The following MAPK8IP3 variants were observed in gnomAD, a reference collection of about 807,000 sequenced individuals.
The protein encoded by MAPK8IP3 is C-Jun-amino-terminal kinase-interacting protein 3.
MAPK8IP3 carries 49 observed loss-of-function variants against 157.8 expected under a neutral mutation model. That is an observed-to-expected ratio of 0.31 (90% CI 0.25 to 0.39). The LOEUF (loss-of-function observed/expected upper bound fraction) is 0.39, where lower values mean the gene tolerates loss of function less well. Ranked by LOEUF, MAPK8IP3 falls within the 10% of genes least tolerant of loss-of-function variation. The pLI is 1.00. For synonymous variants in MAPK8IP3, 897 were observed against 777.7 expected, an observed-to-expected ratio of 1.15 and a Z score of -2.55; for missense variants, 1,478 against 1,889.4, an observed-to-expected ratio of 0.78 and a Z score of 4.04.
At chr16:1,761,541 C>T (rs1488859914) in intron 13 of MAPK8IP3, among the ~76,000 whole-genome samples, 3 of 148,058 alleles carry the variant, frequency 2.0e-5, no homozygotes, top group African/African-American at 2.6e-5. Context: ...ACAGGCAGGG[C>T]GGCCGCCATT....
rs1368580101 is a variant in MAPK8IP3 at position 1,762,245 on chromosome 16, G to A, written c.1540-106G>A. On this transcript the variant is annotated intron_variant, in intron 13 of 31. Coordinates refer to ENST00000610761, the MANE Select transcript of MAPK8IP3 (RefSeq NM_001318852.2). ...ACCGCTTCTTGCCTGAGGATCTGAAGGAAATTGGCACTGAGATCCACCTAT... is the reference window on the plus strand; with the variant it reads ...ACCGCTTCTTGCCTGAGGATCTGAAAGAAATTGGCACTGAGATCCACCTAT... 5.0e-6 allele frequency: 7 copies of A among 1,398,422 alleles called. No homozygotes were observed. In the East Asian group the frequency reaches 1.8e-4, roughly 36 times the overall value. 86.6% of individuals were successfully genotyped at this position (1,398,422 alleles called of 1,614,324 possible). A position where few individuals can be genotyped will look rare whatever the true frequency, so the allele number is the denominator to read the frequency against.
At chr16:1,765,739 C>T (rs973197035) in intron 20 of MAPK8IP3, among the ~76,000 whole-genome samples, 1 of 152,190 alleles carries the variant, frequency 6.6e-6, no homozygotes, top group African/African-American at 2.4e-5. Flanking sequence ...TACTCAGCTC[C>T]CCTTGGCCCA....
rs760717934 is a variant in MAPK8IP3, at chr16:1,762,959, G to A, written c.1851G>A (p.Met617Ile). ...AGFSQRRNHA[M>I]CPISAGSRPL... ...TCAGCCAGCGCCGCAACCATGCCAT[G>A]TGCCCGATCTCGGCAGGCAGCCGGC... The change falls in exon 16 of 32, where the codon ATG (methionine) becomes ATA (isoleucine). Residue 617 changes from methionine to isoleucine, a missense_variant. Met to Ile is a conservative substitution (Grantham distance 10). Around this residue, in one of 11 missense-constraint regions of MAPK8IP3, gnomAD observed 669 missense variants for 759.8 expected, o/e 0.88. Transcript: ENST00000610761. 9 of 1,613,014 alleles carry A rather than the reference G, an allele frequency of 5.6e-6. No individual in the cohort carries two copies. In the Admixed American group the frequency reaches 1.0e-4, roughly 18 times the overall value.
At chr16:1,768,033 C>T (rs780382016) in intron 28 of MAPK8IP3, 36 bp from the exon 29 acceptor site, 7 of 1,611,960 alleles carry the variant, frequency 4.3e-6, no homozygotes, top group South Asian at 1.1e-5. Flanking sequence ...ACGCTGACCG[C>T]TCTCCTCTTC....
In MAPK8IP3 at chr16:1,764,119, G is replaced by A. The variant is rs1272095492; in HGVS notation, c.2030G>A (p.Ser677Asn). The A allele has an allele frequency of 6.2e-7, 1 of 1,608,382 alleles. No homozygotes were observed. The highest frequency in any genetic ancestry group is 1.1e-5 in the South Asian group (1 of 90,756). The change falls in exon 18 of 32, where the codon AGT becomes AAT. Residue 677 changes from serine (S) to asparagine (N), a missense_variant. Ser to Asn is a conservative substitution (Grantham distance 46). This residue lies in a region of MAPK8IP3 where 669 missense variants were observed against 759.8 expected (regional missense o/e 0.88). Transcript: ENST00000610761. ...GCGCCTCCCTGCTCCCTGCAGCTGA[G>A]TCCCAACGGGGGCCAGGAGGACACG... ...WSLPAKYKQL[S>N]PNGGQEDTRM...
chr16:1,730,288 C>T (rs935397703), intron 4 of MAPK8IP3, among the ~76,000 whole-genome samples: 2 of 151,966 alleles, frequency 1.3e-5, no homozygotes, highest in African/African-American at 4.8e-5. Flanking sequence ...AAATCATCTG[C>T]TCATGTGAGG....
intron 4 of MAPK8IP3, among the ~76,000 whole-genome samples, chr16:1,732,251 G>C (rs1279109337): frequency 1.3e-5 from 2 of 152,218 alleles, no homozygotes; most frequent in Non-Finnish European, 1.5e-5. Flanking sequence ...GGGGAAGCCT[G>C]TTTCTGCCCC....
chr16:1,763,691 C>T lies in MAPK8IP3; in HGVS notation c.1933C>T (p.Arg645Cys). The change falls in exon 17 of 32, where the codon CGC (arginine) becomes TGC (cysteine). Residue 645 changes from arginine to cysteine, a missense_variant. Physicochemically the swap from Arg to Cys is radical, Grantham distance 180 (BLOSUM62 -3). Around this residue, in one of 11 missense-constraint regions of MAPK8IP3, gnomAD observed 669 missense variants for 759.8 expected, o/e 0.88. Coordinates refer to ENST00000610761, the MANE Select transcript of MAPK8IP3 (RefSeq NM_001318852.2). ...CTSSARREQK[R>C]EQYRQVREHV... is the part of the protein sequence containing the mutation. ...GTCCTCCGCCCGTCGAGAGCAGAAGCGCGAGCAGTACCGCCAGGTGCGTGA... is the reference window on the plus strand; with the variant it reads ...GTCCTCCGCCCGTCGAGAGCAGAAGTGCGAGCAGTACCGCCAGGTGCGTGA... The T allele has an allele frequency of 6.3e-7, 1 of 1,593,784 alleles. No individual in the cohort carries two copies. The highest frequency in any genetic ancestry group is 8.6e-7 in the Non-Finnish European group (1 of 1,168,852).
intron 13 of MAPK8IP3, 41 bp downstream of exon 13, chr16:1,761,346 AT>A (rs773426662): frequency 8.9e-6 from 14 of 1,573,114 alleles, no homozygotes; most frequent in Non-Finnish European, 1.1e-5. Flanking sequence ...GGCGTCCACC[AT>A]TCACTTTTCA....
At chr16:1,707,925 T>G (rs947640716) in intron 1 of MAPK8IP3, 7 of 152,206 alleles carry the variant, frequency 4.6e-5, no homozygotes, top group African/African-American at 1.7e-4. Flanking sequence ...ACCAAGGTGA[T>G]TTATGGCCTA....
intron 4 of MAPK8IP3, among the ~76,000 whole-genome samples, chr16:1,739,022 CTGTG>C (rs1199256661): frequency 1.3e-4 from 16 of 125,802 alleles, no homozygotes; most frequent in Non-Finnish European, 2.3e-4. Context: ...ATGTGAGCAT[CTGTG>C]TGAGCGTCCG....
In MAPK8IP3 at chr16:1,767,528, C is replaced by A. The variant is rs368330137; in HGVS notation, c.3238-36C>A. 1.0e-3 allele frequency: 1,680 copies of A among 1,600,420 alleles called. 3 individuals carry two copies. The highest frequency in any genetic ancestry group is 1.3e-3 in the Non-Finnish European group (1,522 of 1,172,626). On this transcript the variant is annotated intron_variant, in intron 26 of 31. Coordinates refer to ENST00000610761, the MANE Select transcript of MAPK8IP3 (RefSeq NM_001318852.2). ...TGGGGCTCCCCACTTCCTCTCCTCT[C>A]CCCAGCCCTGTTGATGGGCAGCCAT...
chr16:1,715,717 A>G (rs2038102722), intron 1 of MAPK8IP3, among the ~76,000 whole-genome samples: 1 of 151,718 alleles, frequency 6.6e-6, no homozygotes, highest in Non-Finnish European at 1.5e-5. Flanking sequence ...CAAACGTATG[A>G]GAGGAGAGGT....
chr16:1,729,640 G>A (rs2039159666), intron 4 of MAPK8IP3, 62 bp downstream of exon 4: 3 of 1,447,386 alleles, frequency 2.1e-6, no homozygotes, highest in African/African-American at 1.4e-5. Context: ...TACGCAGGAC[G>A]CGGCACATGC....
At chr16:1,763,897 G>A in intron 17 of MAPK8IP3, 114 bp downstream of exon 17, 5 of 507,760 alleles carry the variant, frequency 9.8e-6, no homozygotes, top group South Asian at 2.1e-5. Flanking sequence ...GGTGGGAGAG[G>A]ACGGCGGGTG....
intron 19 of MAPK8IP3, 149 bp downstream of exon 19, chr16:1,764,608 T>A: frequency 8.6e-7 from 1 of 1,165,042 alleles, no homozygotes. Flanking sequence ...CGGGAAGCAG[T>A]GTCTTCCCTC....
chr16:1,739,839 C>G (rs570817490), intron 4 of MAPK8IP3, among the ~76,000 whole-genome samples: 1 of 114,758 alleles, frequency 8.7e-6, no homozygotes, highest in Non-Finnish European at 1.7e-5. Flanking sequence ...TGTGACCGTC[C>G]GTGTGAGCAT....
chr16:1,736,639 C>T (rs543624460), intron 4 of MAPK8IP3, among the ~76,000 whole-genome samples: 3 of 43,448 alleles, frequency 6.9e-5, no homozygotes, highest in Middle Eastern at 0.018. Flanking sequence ...TCCGTGTGAG[C>T]GTGTGACCGT....
intron 8 of MAPK8IP3, among the ~76,000 whole-genome samples, chr16:1,755,640 A>G (rs2041548413): frequency 6.6e-6 from 1 of 152,034 alleles, no homozygotes. Flanking sequence ...CGAGGTCAAG[A>G]GATCGAGACC....
Sources: gnomAD v4.1 joint callset for allele counts (sites outside exome capture counted in the v4.1 genomes callset) on GRCh38, gnomAD v4.1.1 for gene constraint, gnomAD v4.1.1 regional missense constraint, MANE v1.5 for transcripts, NCBI Gene and HGNC (gene_info 2026-07-23, HGNC 2026-07-21) for gene names.